The following MID2 variants were observed in gnomAD, a reference collection of about 807,000 sequenced individuals.
MID2 encodes midline 2, also known as probable E3 ubiquitin-protein ligase MID2.
Under a neutral mutation model 46.1 loss-of-function variants are expected in MID2, and 13 were observed. The observed-to-expected ratio is 0.28, with a 90% CI of 0.18 to 0.45. MID2 has a LOEUF of 0.45. Ranked by LOEUF, MID2 falls within the 20% of genes least tolerant of loss-of-function variation. The pLI is 1.00. For synonymous variants in MID2, 199 were observed against 212.3 expected (o/e 0.94, Z 0.55); for missense variants, 431 against 575.4 (o/e 0.75, Z 2.57).
intron 3 of MID2, among the ~76,000 whole-genome samples, chrX:107,886,280 A>G (rs1469657258): frequency 8.9e-6 from 1 of 112,069 alleles, no homozygotes; most frequent in African/African-American, 3.3e-5. Flanking sequence ...TCTTTAATCC[A>G]TCTTGAATTA....
chrX:107,840,670 G>A lies in MID2; in HGVS notation c.5G>A (p.Gly2Asp), dbSNP rs990277396. 6 of 1,198,300 alleles carry A rather than the reference G, an allele frequency of 5.0e-6. No homozygotes were observed. The African/African-American group carries it at 5.3e-5, about 11-fold the overall frequency. The change falls in exon 2 of 10, where the codon GGT (glycine) becomes GAT (aspartate). Residue 2 changes from glycine (G) to aspartate (D), a missense_variant and splice_region_variant. Transcript: ENST00000262843. MGESPASVVLNA... is the reference protein window; with the variant it reads MDESPASVVLNA... ...GACTCTTGCTTTGTATTCCTTGCAG[G>A]TGAAAGCCCAGCCTCCGTGGTTCTT...
intron 3 of MID2, among the ~76,000 whole-genome samples, chrX:107,860,044 G>T (rs1237513193): frequency 8.9e-6 from 1 of 112,176 alleles, no homozygotes; most frequent in East Asian, 2.8e-4. Context: ...TGCTATGGCT[G>T]TAGTATGGAG....
intron 1 of MID2, among the ~76,000 whole-genome samples, chrX:107,834,385 C>T (rs772593623): frequency 5.4e-5 from 6 of 111,779 alleles, no homozygotes; most frequent in Non-Finnish European, 7.5e-5. Flanking sequence ...TTCATCAATG[C>T]GTTTTTATGA....
chrX:107,842,009 A>C (rs1931358193), intron 2 of MID2, among the ~76,000 whole-genome samples: 2 of 112,895 alleles, frequency 1.8e-5, no homozygotes, highest in Admixed American at 1.9e-4. Flanking sequence ...AAAACAAAAC[A>C]AAACAAAACA....
At chrX:107,926,375 C>T (rs1933178052) in intron 9 of MID2, 74 bp downstream of exon 9, 8 of 893,835 alleles carry the variant, frequency 9.0e-6, no homozygotes, top group Non-Finnish European at 1.3e-5. Context: ...TTCTATAGCA[C>T]AACCATAATA....
In MID2 at chrX:107,841,261, A is replaced by G; in HGVS notation, c.596A>G (p.Glu199Gly). 1 of 1,211,333 alleles carries G rather than the reference A, an allele frequency of 8.3e-7. No homozygotes were observed. The highest frequency in any genetic ancestry group is 3.0e-5 in the East Asian group (1 of 33,827). ...CGAGGGATCACCTGCCTGGACCATG[A>G]GAATGAGAAAGTGAACATGTACTGT... is the stretch of plus-strand genomic sequence containing the variant. ...HLRGITCLDH[E>G]NEKVNMYCVS... Residue 199 changes from glutamate to glycine, a missense_variant, in exon 2 of 10, where the codon GAG (glutamate) becomes GGG (glycine). By Grantham distance (98) the Glu-to-Gly change is moderately conservative. Coordinates refer to ENST00000262843, the MANE Select transcript of MID2 (RefSeq NM_012216.4).
chrX:107,882,750 T>C (rs1220468466), intron 3 of MID2, among the ~76,000 whole-genome samples: 1 of 112,028 alleles, frequency 8.9e-6, no homozygotes, highest in Non-Finnish European at 1.9e-5. Flanking sequence ...TTTACACTGT[T>C]GGTGGGACTG....
chrX:107,826,393 C>A lies in MID2; in HGVS notation c.-34C>A. 1 of 1,132,388 alleles carries A rather than the reference C, an allele frequency of 8.8e-7. No individual in the cohort carries two copies. The allele number at this position is 1,132,388 out of a possible 1,213,427, so 93.3% of individuals were successfully genotyped here. ...CAGACGAGAGCCCAGCGCCCTCGAG[C>A]GAGCGGAGGAGATGGCTGGCACCTG... is the stretch of plus-strand genomic sequence containing the variant. On this transcript the variant is annotated 5_prime_UTR_variant, in exon 1 of 10. Transcript: ENST00000262843.
intron 3 of MID2, among the ~76,000 whole-genome samples, chrX:107,896,541 G>T (rs761944522): frequency 2.5e-4 from 28 of 112,421 alleles, no homozygotes; most frequent in Admixed American, 2.2e-3. Context: ...GAAGCAGATT[G>T]TCCTCACGCT....
intron 1 of MID2, among the ~76,000 whole-genome samples, chrX:107,839,714 C>T (rs1437620222): frequency 8.9e-6 from 1 of 111,879 alleles, no homozygotes; most frequent in Non-Finnish European, 1.9e-5. Flanking sequence ...TTGAAGGTTA[C>T]CAGATCTTAA....
rs181437869 is a variant in MID2 at position 107,866,317 on chromosome X, C to T, written c.816+11613C>T. Among the ~76,000 whole-genome samples, 205 of 111,046 alleles carry T rather than the reference C, an allele frequency of 1.8e-3. 1 individual carries two copies. Among genetic ancestry groups the T allele is most frequent in the Middle Eastern group, 4.6e-3 (1 of 216 alleles). ...AGTAAAAATATATCACAGATGAATA[C>T]GCAAATTGCATATTGTCTGCAGGCC... On this transcript the variant is annotated intron_variant, in intron 3 of 9. Coordinates refer to ENST00000262843, the MANE Select transcript of MID2 (RefSeq NM_012216.4).
At chrX:107,860,448 G>A (rs1346341554) in intron 3 of MID2, among the ~76,000 whole-genome samples, 1 of 111,865 alleles carries the variant, frequency 8.9e-6, no homozygotes, top group African/African-American at 3.2e-5. Context: ...AGAGAGGTCT[G>A]GGAAAGGGAT....
chrX:107,828,783 G>A (rs1266288727), intron 1 of MID2, among the ~76,000 whole-genome samples: 1 of 112,381 alleles, frequency 8.9e-6, no homozygotes, highest in African/African-American at 3.2e-5. Context: ...TTTCATAGTT[G>A]GTGCACTTGT....
intron 1 of MID2, among the ~76,000 whole-genome samples, chrX:107,838,885 T>C (rs898553582): frequency 1.8e-5 from 2 of 111,914 alleles, no homozygotes; most frequent in African/African-American, 3.3e-5. Context: ...GGTGGGCAGA[T>C]TGCTTGAGCC....
intron 5 of MID2, among the ~76,000 whole-genome samples, chrX:107,908,317 C>A (rs1044497800): frequency 8.9e-6 from 1 of 111,900 alleles, no homozygotes; most frequent in Non-Finnish European, 1.9e-5. Flanking sequence ...ATTCCAATTA[C>A]ATGTATATTT....
chrX:107,920,068 A>G (rs1272208233), intron 7 of MID2, among the ~76,000 whole-genome samples: 1 of 112,167 alleles, frequency 8.9e-6, no homozygotes, highest in East Asian at 2.8e-4. Context: ...ACAAGGGCAG[A>G]GGCCTGAAGC....
intron 3 of MID2, among the ~76,000 whole-genome samples, chrX:107,871,378 G>A (rs1005488271): frequency 4.5e-5 from 5 of 111,346 alleles, no homozygotes; most frequent in African/African-American, 1.6e-4. Flanking sequence ...TGGGGCAAGC[G>A]CTTTTGGGTG....
At chrX:107,913,246 A>G (rs1932918923) in intron 5 of MID2, among the ~76,000 whole-genome samples, 1 of 111,854 alleles carries the variant, frequency 8.9e-6, no homozygotes, top group Non-Finnish European at 1.9e-5. Flanking sequence ...TCTCTATATC[A>G]TTGGATATTA....
intron 5 of MID2, among the ~76,000 whole-genome samples, chrX:107,911,888 G>A (rs1247704986): frequency 8.9e-6 from 1 of 111,868 alleles, no homozygotes; most frequent in African/African-American, 3.3e-5. Flanking sequence ...GGTGTGGAAG[G>A]TATAAGCCTG....
Sources: allele counts gnomAD v4.1 joint callset (sites outside exome capture counted in the v4.1 genomes callset), GRCh38; gene constraint gnomAD v4.1.1; transcripts MANE v1.5; gene names NCBI Gene and HGNC (gene_info 2026-07-23, HGNC 2026-07-21).